The following PCDH9 variants were observed in gnomAD, a reference collection of about 807,000 sequenced individuals.
PCDH9 encodes the protein protocadherin 9, also known as protocadherin-9.
In PCDH9, 24 loss-of-function variants were observed where a neutral mutation model predicts 70.6. The observed-to-expected ratio is 0.34, with a 90% confidence interval of 0.25 to 0.48. The LOEUF is 0.48. Among genes scored for constraint, PCDH9 ranks in the 20% least tolerant of loss-of-function variants. The pLI is 0.99. For synonymous variants in PCDH9, 562 were observed against 558.5 expected (o/e 1.01, Z -0.09); for missense variants, 1,281 against 1,503.6 (o/e 0.85, Z 2.45).
intron 4 of PCDH9, among the ~76,000 whole-genome samples, chr13:66,407,912 A>C (rs1957306964): frequency 6.6e-6 from 1 of 152,226 alleles, no homozygotes; most frequent in African/African-American, 2.4e-5. Flanking sequence ...ATATTTCAGT[A>C]TTTTAAACAT....
intron 3 of PCDH9, among the ~76,000 whole-genome samples, chr13:66,690,905 G>A (rs1256426413): frequency 1.3e-5 from 2 of 152,194 alleles, no homozygotes; most frequent in African/African-American, 4.8e-5. Flanking sequence ...CTCATGAACT[G>A]CCAGCAGTGT....
chr13:67,160,553 A>T (rs1161035239), intron 2 of PCDH9, among the ~76,000 whole-genome samples: 2 of 145,514 alleles, frequency 1.4e-5, no homozygotes, highest in Non-Finnish European at 3.0e-5. Flanking sequence ...TCTCAAAAAA[A>T]AAAAGTGATA....
intron 3 of PCDH9, among the ~76,000 whole-genome samples, chr13:66,862,531 C>T (rs2081502170): frequency 6.6e-6 from 1 of 152,062 alleles, no homozygotes; most frequent in African/African-American, 2.4e-5. Flanking sequence ...CAGCCTGCAC[C>T]CCAATGCCTG....
chr13:66,991,024 T>C (rs540729518), intron 2 of PCDH9: 2 of 152,158 alleles, frequency 1.3e-5, no homozygotes, highest in East Asian at 3.9e-4. Context: ...ATATTTTTAA[T>C]ATTAGCGGGT....
At chr13:66,489,785 C>T (rs564216073) in intron 4 of PCDH9, among the ~76,000 whole-genome samples, 1 of 152,288 alleles carries the variant, frequency 6.6e-6, no homozygotes, top group South Asian at 2.1e-4. Context: ...GACACACATA[C>T]ATTCTTAGCA....
At chr13:67,212,295 C>T (rs1243195637) in intron 2 of PCDH9, 3 of 151,782 alleles carry the variant, frequency 2.0e-5, no homozygotes, top group Non-Finnish European at 2.9e-5. Flanking sequence ...GAGAGAGAGA[C>T]TTTAAAAAAT....
chr13:66,656,512 TC>T (rs1445591860), intron 3 of PCDH9, among the ~76,000 whole-genome samples: 1 of 152,174 alleles, frequency 6.6e-6, no homozygotes, highest in Non-Finnish European at 1.5e-5. Flanking sequence ...GCTAATTATT[TC>T]CTTTCTTTTT....
At chr13:66,961,750 C>T (rs2083349602) in intron 2 of PCDH9, among the ~76,000 whole-genome samples, 1 of 151,960 alleles carries the variant, frequency 6.6e-6, no homozygotes, top group South Asian at 2.1e-4. Context: ...TGATGATAAA[C>T]TTTGATTATA....
chr13:66,447,592 T>G (rs1176426126), intron 4 of PCDH9, among the ~76,000 whole-genome samples: 2 of 152,164 alleles, frequency 1.3e-5, no homozygotes, highest in Non-Finnish European at 2.9e-5. Flanking sequence ...AGGACTGGAT[T>G]CTATTTTGTC....
intron 2 of PCDH9, among the ~76,000 whole-genome samples, chr13:67,160,312 G>A (rs3013560): frequency 9.2e-5 from 14 of 152,298 alleles, no homozygotes; most frequent in African/African-American, 2.9e-4. Context: ...TTGGGAGGCC[G>A]AGAAGGGCAG....
chr13:67,058,131 G>C (rs1169244188), intron 2 of PCDH9, among the ~76,000 whole-genome samples: 3 of 152,036 alleles, frequency 2.0e-5, no homozygotes, highest in Non-Finnish European at 4.4e-5. Flanking sequence ...AAGAATGTTT[G>C]CTATGTTATT....
At chr13:66,436,014 CT>C (rs1005052834) in intron 4 of PCDH9, among the ~76,000 whole-genome samples, 43 of 152,038 alleles carry the variant, frequency 2.8e-4, no homozygotes, top group Admixed American at 1.5e-3. Context: ...TCAAAATACT[CT>C]TTTTTTTAAA....
intron 3 of PCDH9, among the ~76,000 whole-genome samples, chr13:66,654,412 C>T (rs2077898607): frequency 2.6e-5 from 4 of 151,768 alleles, no homozygotes; most frequent in Admixed American, 2.6e-4. Context: ...CATAGCACAA[C>T]AGGGAAACTA....
chr13:67,028,934 T>G (rs1356233185), intron 2 of PCDH9, among the ~76,000 whole-genome samples: 5 of 152,202 alleles, frequency 3.3e-5, no homozygotes, highest in Admixed American at 1.3e-4. Context: ...AAAAGAGTTC[T>G]GGCAAAATCA....
intron 2 of PCDH9, among the ~76,000 whole-genome samples, chr13:66,998,022 T>C (rs1261474369): frequency 1.3e-5 from 2 of 152,212 alleles, no homozygotes; most frequent in Non-Finnish European, 2.9e-5. Flanking sequence ...CATAAAGATA[T>C]GTAGATGCAG....
At chr13:67,105,458 G>A (rs1055499811) in intron 2 of PCDH9, among the ~76,000 whole-genome samples, 6 of 151,988 alleles carry the variant, frequency 3.9e-5, no homozygotes, top group African/African-American at 1.4e-4. Context: ...TCATAGGAAA[G>A]TCCTGAAATA....
intron 2 of PCDH9, among the ~76,000 whole-genome samples, chr13:66,951,401 TTTGC>T (rs2083178667): frequency 7.1e-6 from 1 of 141,638 alleles, no homozygotes; most frequent in Non-Finnish European, 1.6e-5. Context: ...TGTTTGTTTG[TTTGC>T]TTGCTTGCTT....
chr13:67,119,290 C>A (rs537413712), intron 2 of PCDH9, among the ~76,000 whole-genome samples: 1 of 152,068 alleles, frequency 6.6e-6, no homozygotes, highest in East Asian at 1.9e-4. Context: ...TGATACATTC[C>A]TTTTCTATAA....
chr13:66,569,633 A>G (rs184163945), intron 4 of PCDH9, among the ~76,000 whole-genome samples: 1 of 152,284 alleles, frequency 6.6e-6, no homozygotes, highest in East Asian at 1.9e-4. Flanking sequence ...TCAAATTACC[A>G]TTCATGAACA....
Sources: allele counts gnomAD v4.1 joint callset (sites outside exome capture counted in the v4.1 genomes callset), GRCh38; gene constraint gnomAD v4.1.1; transcripts MANE v1.5; gene names NCBI Gene and HGNC (gene_info 2026-07-23, HGNC 2026-07-21).